Variants in MAD1L1 observed in about 807,000 individuals in gnomAD.
The protein encoded by MAD1L1 is mitotic spindle assembly checkpoint protein MAD1.
Under a neutral mutation model 96.9 loss-of-function variants are expected in MAD1L1, and 95 were observed. The ratio of observed to expected loss-of-function variants is 0.98; its 90% CI spans 0.83 to 1.16. MAD1L1 has a LOEUF of 1.16. MAD1L1 is among the 50% of genes most tolerant of loss of function. The pLI is 0.00. For missense variants in MAD1L1, 1,007 were observed against 954.4 expected, an observed-to-expected ratio of 1.06 and a Z score of -0.73; for synonymous variants, 473 against 396.6, an observed-to-expected ratio of 1.19 and a Z score of -2.29.
At chr7:1,847,771 G>A (rs1201716641) in intron 18 of MAD1L1, 3 of 460,076 alleles carry the variant, frequency 6.5e-6, no homozygotes, top group South Asian at 4.7e-5. Flanking sequence ...TGCGTGCTGT[G>A]TACAAGAATG....
intron 12 of MAD1L1, among the ~76,000 whole-genome samples, chr7:2,067,709 C>T (rs1784944810): frequency 6.6e-6 from 1 of 152,274 alleles, no homozygotes; most frequent in Admixed American, 6.5e-5. Flanking sequence ...GTGACTGCAG[C>T]AGCGCTTTGT....
intron 11 of MAD1L1, among the ~76,000 whole-genome samples, chr7:2,143,782 C>G (rs548519040): frequency 6.6e-6 from 1 of 152,194 alleles, no homozygotes; most frequent in Non-Finnish European, 1.5e-5. Context: ...CAAACTGCGG[C>G]GATCACAGCC....
rs545945276 is a variant in MAD1L1, at chr7:1,876,383, C to T, written c.1998+21817G>A. Among the ~76,000 whole-genome samples the T allele has an allele frequency of 3.4e-4, 52 of 152,096 alleles. 1 individual carries two copies. Among genetic ancestry groups the T allele is most frequent in the Middle Eastern group, 3.4e-3 (1 of 294 alleles). On this transcript the variant is annotated intron_variant, in intron 18 of 18. Transcript: ENST00000265854. ...TCCTTCGCACAGGTGGTCACCCTGC[C>T]GGACGCTGCCCCTTTCCCCACCGTC...
At chr7:1,840,922 G>A (rs1434828754) in intron 18 of MAD1L1, among the ~76,000 whole-genome samples, 2 of 152,230 alleles carry the variant, frequency 1.3e-5, no homozygotes, top group Admixed American at 1.3e-4. Flanking sequence ...GAGAGGCCAC[G>A]CAGGCCAAGC....
chr7:2,159,656 A>G (rs79274522), intron 10 of MAD1L1, among the ~76,000 whole-genome samples: 2 of 152,240 alleles, frequency 1.3e-5, no homozygotes, highest in African/African-American at 4.8e-5. Context: ...AAATCATATC[A>G]TTCCAGAACA....
At chr7:1,955,706 A>G (rs1779696526) in intron 16 of MAD1L1, among the ~76,000 whole-genome samples, 1 of 152,042 alleles carries the variant, frequency 6.6e-6, no homozygotes, top group Non-Finnish European at 1.5e-5. Flanking sequence ...CCGGTTCCTC[A>G]CAGGCTGAGT....
intron 10 of MAD1L1, among the ~76,000 whole-genome samples, chr7:2,159,942 G>A (rs1330725798): frequency 6.6e-6 from 1 of 152,172 alleles, no homozygotes; most frequent in African/African-American, 2.4e-5. Context: ...CACAAAAGAA[G>A]TCTGGCCAGG....
intron 11 of MAD1L1, among the ~76,000 whole-genome samples, chr7:2,123,602 A>G (rs3800913): frequency 0.34 from 52,118 of 152,100 alleles, 10,091 homozygotes; most frequent in East Asian, 0.51. Context: ...AAGGGCACGC[A>G]TGGGAGGCGT....
chr7:1,816,628 G>A (rs1476673242), intron 18 of MAD1L1, among the ~76,000 whole-genome samples: 1 of 152,074 alleles, frequency 6.6e-6, no homozygotes, highest in Non-Finnish European at 1.5e-5. Flanking sequence ...CACTGCCTGG[G>A]CCCCATGACC....
intron 3 of MAD1L1, among the ~76,000 whole-genome samples, chr7:2,227,606 AGG>A (rs1793970245): frequency 6.6e-6 from 1 of 152,254 alleles, no homozygotes; most frequent in Non-Finnish European, 1.5e-5. Flanking sequence ...AGCCTGGGAC[AGG>A]GGAGGGAAGT....
At chr7:1,883,741 G>C (rs888536022) in intron 18 of MAD1L1, among the ~76,000 whole-genome samples, 5 of 152,206 alleles carry the variant, frequency 3.3e-5, no homozygotes, top group Non-Finnish European at 7.3e-5. Context: ...GGCTCAGAGG[G>C]CAGTCTGTGT....
chr7:2,122,775 A>C (rs150211784), intron 11 of MAD1L1, among the ~76,000 whole-genome samples: 1,884 of 152,328 alleles, frequency 0.012, 19 homozygotes, highest in Non-Finnish European at 0.018. Context: ...GCACGGGTGA[A>C]GGGTTGCTAA....
intron 12 of MAD1L1, among the ~76,000 whole-genome samples, chr7:2,053,959 C>G (rs1007270355): frequency 2.6e-5 from 4 of 152,268 alleles, no homozygotes; most frequent in Non-Finnish European, 5.9e-5. Context: ...ATCGGGGTTT[C>G]TGATGACACA....
intron 11 of MAD1L1, among the ~76,000 whole-genome samples, chr7:2,143,856 A>AC (rs1161790615): frequency 6.6e-6 from 1 of 152,100 alleles, no homozygotes; most frequent in African/African-American, 2.4e-5. Flanking sequence ...GCCAGGGCAG[A>AC]CCCCAACATG....
intron 18 of MAD1L1, among the ~76,000 whole-genome samples, chr7:1,827,660 CCGGCCCGGGTG>C: frequency 2.7e-5 from 3 of 112,408 alleles, no homozygotes; most frequent in Non-Finnish European, 6.1e-5. Context: ...CCTCCTGAGC[CCGGCCCGGGTG>C]TGGGGGCCTC....
chr7:1,841,037 C>T (rs1171990432), intron 18 of MAD1L1, among the ~76,000 whole-genome samples: 3 of 152,212 alleles, frequency 2.0e-5, no homozygotes, highest in Admixed American at 2.0e-4. Context: ...CTGCCGGCGG[C>T]TGGTGGGATT....
intron 17 of MAD1L1, among the ~76,000 whole-genome samples, chr7:1,919,026 C>T (rs1788602755): frequency 6.6e-6 from 1 of 152,250 alleles, no homozygotes; most frequent in African/African-American, 2.4e-5. Context: ...TCCCTCCGGC[C>T]CATGCCGCCG....
intron 18 of MAD1L1, among the ~76,000 whole-genome samples, chr7:1,869,843 A>G (rs12699415): frequency 0.57 from 87,358 of 152,008 alleles, 25,327 homozygotes; most frequent in East Asian, 0.66. Flanking sequence ...AAGTGCCTCC[A>G]TGGGGCAGGC....
At position 2,123,266 on chromosome 7, in the gene MAD1L1, C is replaced by G. The variant is rs1472056210; in HGVS notation, c.1073+25886G>C. ...CTTGCAGTGAGCCGAGATCGGGCCACTGCTCTCCAGCCTGGGCGACAGAGC... is the reference window on the plus strand; with the variant it reads ...CTTGCAGTGAGCCGAGATCGGGCCAGTGCTCTCCAGCCTGGGCGACAGAGC... On this transcript the variant is annotated intron_variant, in intron 11 of 18. Coordinates refer to ENST00000265854, the MANE Select transcript of MAD1L1 (RefSeq NM_001013836.2). 4.1e-5 allele frequency among the ~76,000 whole-genome samples: 6 copies of G among 145,406 alleles called. No individual in the cohort carries two copies. In the East Asian group the frequency reaches 1.2e-3, roughly 30 times the overall value.
Sources: gnomAD v4.1 joint callset for allele counts (sites outside exome capture counted in the v4.1 genomes callset) on GRCh38, gnomAD v4.1.1 for gene constraint, MANE v1.5 for transcripts, NCBI Gene and HGNC (gene_info 2026-07-23, HGNC 2026-07-21) for gene names.